The following ZFHX4 variants were observed in gnomAD, a reference collection of about 807,000 sequenced individuals.
ZFHX4 encodes the protein zinc finger homeobox 4.
In ZFHX4, 56 loss-of-function variants were observed where a neutral mutation model predicts 267.6. That is an observed-to-expected ratio of 0.21 (90% confidence interval 0.17 to 0.26). The LOEUF (loss-of-function observed/expected upper bound fraction) is 0.26. Ranked by LOEUF, ZFHX4 falls within the 10% of genes least tolerant of loss-of-function variation. The pLI is 1.00. For synonymous variants in ZFHX4, 1,778 were observed against 1,665.6 expected (o/e 1.07, Z -1.64); for missense variants, 4,332 against 4,420.0 (o/e 0.98, Z 0.56).
At position 76,850,298 on chromosome 8, in the gene ZFHX4, C is replaced by T; in HGVS notation, c.3900C>T (p.Ala1300=). ...ACAGTATGCTACTGCCAGCAGCTGC[C>T]TCTGAGAAATCAGAGCGGGACACAC... ...MPNSMLLPAA[A]SEKSERDTPA... is the part of the protein sequence containing the mutation. Residue 1300 remains alanine, a synonymous_variant, in exon 9 of 11, where the codon GCC becomes GCT. Transcript: ENST00000651372. 1 of 1,613,362 alleles carries T rather than the reference C, an allele frequency of 6.2e-7. No homozygotes were observed. Among genetic ancestry groups the T allele is most frequent in the African/African-American group, 1.3e-5 (1 of 75,012 alleles).
chr8:76,855,078 T>G lies in ZFHX4; in HGVS notation c.8157T>G (p.Asp2719Glu), dbSNP rs753405306. The G allele has an allele frequency of 1.2e-6, 2 of 1,613,706 alleles. No homozygotes were observed. Among genetic ancestry groups the G allele is most frequent in the South Asian group, 2.2e-5 (2 of 91,030 alleles). Residue 2719 changes from aspartate (D) to glutamate (E), a missense_variant, in exon 10 of 11, where the codon GAT becomes GAG. Around this residue, in one of 7 missense-constraint regions of ZFHX4, gnomAD observed 1,648 missense variants for 1,625.0 expected, o/e 1.01. Transcript: ENST00000651372. The part of the protein sequence containing the change: ...LPPSPLISTE[D>E]GGESPQKYIY... ...CAAGCCCTTTAATATCCACCGAAGA[T>G]GGGGGAGAAAGCCCACAGAAATACA...
chr8:76,705,393 G>T lies in ZFHX4; in HGVS notation c.1305G>T (p.Met435Ile), dbSNP rs529333807. The T allele has an allele frequency of 6.2e-7, 1 of 1,613,860 alleles. No individual in the cohort carries two copies. Among genetic ancestry groups the T allele is most frequent in the Non-Finnish European group, 8.5e-7 (1 of 1,179,880 alleles). The change falls in exon 2 of 11, where the codon ATG becomes ATT. Residue 435 changes from methionine (M) to isoleucine (I), a missense_variant. Physicochemically the swap from Met to Ile is conservative, Grantham distance 10. Transcript: ENST00000651372. ...ACTCATCGTCTGAGTCTAGCAAGAT[G>T]TCAGAGAGCAAAGACCAAGAGAACA... ...LSHSSSESSK[M>I]SESKDQENNC...
At chr8:76,827,184 T>C (rs1167252853) in intron 4 of ZFHX4, among the ~76,000 whole-genome samples, 2 of 152,206 alleles carry the variant, frequency 1.3e-5, no homozygotes, top group Non-Finnish European at 2.9e-5. Flanking sequence ...GGGATGAAAC[T>C]GTTCCACCTC....
At chr8:76,686,170 A>T (rs948231278) in intron 1 of ZFHX4, among the ~76,000 whole-genome samples, 4 of 152,172 alleles carry the variant, frequency 2.6e-5, no homozygotes, top group Non-Finnish European at 1.5e-5. Context: ...CATTTTTTCC[A>T]TTCAGTGTGA....
chr8:76,840,035 T>C (rs1027544341), intron 5 of ZFHX4, among the ~76,000 whole-genome samples: 3 of 152,190 alleles, frequency 2.0e-5, no homozygotes, highest in Non-Finnish European at 4.4e-5. Context: ...AAGTTACCTT[T>C]TGATTATTTT....
At chr8:76,858,263 A>G (rs574363680) in intron 10 of ZFHX4, among the ~76,000 whole-genome samples, 5 of 152,358 alleles carry the variant, frequency 3.3e-5, no homozygotes, top group African/African-American at 1.2e-4. Flanking sequence ...TCCTCATTCT[A>G]TTCACCATAA....
At chr8:76,714,188 G>A (rs1477791666) in intron 3 of ZFHX4, among the ~76,000 whole-genome samples, 2 of 152,166 alleles carry the variant, frequency 1.3e-5, no homozygotes, top group Non-Finnish European at 2.9e-5. Flanking sequence ...GTGTGTTTCT[G>A]TGGCTTAAAT....
At chr8:76,690,726 G>C (rs1209487397) in intron 1 of ZFHX4, among the ~76,000 whole-genome samples, 3 of 150,666 alleles carry the variant, frequency 2.0e-5, no homozygotes, top group Non-Finnish European at 4.5e-5. Context: ...TATACAGACA[G>C]ACACACACAC....
chr8:76,728,603 A>G (rs1808917468), intron 3 of ZFHX4, among the ~76,000 whole-genome samples: 2 of 152,198 alleles, frequency 1.3e-5, no homozygotes, highest in Non-Finnish European at 2.9e-5. Context: ...CACCCTTTCA[A>G]TGCAAGTGGA....
chr8:76,720,959 A>ACGTTG (rs1238639259), intron 3 of ZFHX4, among the ~76,000 whole-genome samples: 1 of 152,146 alleles, frequency 6.6e-6, no homozygotes, highest in African/African-American at 2.4e-5. Context: ...TTCAGCACCC[A>ACGTTG]CGTTGTTAAA....
chr8:76,707,485 T>G (rs1389980433), intron 2 of ZFHX4, 61 bp from the exon 3 acceptor site: 2 of 1,381,850 alleles, frequency 1.4e-6, no homozygotes, highest in Non-Finnish European at 1.9e-6. Context: ...TTTTACAGAT[T>G]CCTTTGTGTG....
intron 3 of ZFHX4, among the ~76,000 whole-genome samples, chr8:76,764,728 C>T (rs1023821239): frequency 2.6e-5 from 4 of 152,214 alleles, no homozygotes; most frequent in South Asian, 2.1e-4. Context: ...AAATTTGCTC[C>T]GACCTCTGAC....
intron 1 of ZFHX4, among the ~76,000 whole-genome samples, chr8:76,699,340 C>T (rs1422124399): frequency 1.3e-5 from 2 of 152,048 alleles, no homozygotes; most frequent in Non-Finnish European, 2.9e-5. Context: ...TATCCCTTTA[C>T]ATCCTTGCAT....
chr8:76,706,983 A>G (rs747661807), intron 2 of ZFHX4, among the ~76,000 whole-genome samples: 5 of 152,250 alleles, frequency 3.3e-5, no homozygotes, highest in Non-Finnish European at 7.3e-5. Context: ...GCCATACCTT[A>G]CAAGGTTTAT....
At chr8:76,782,391 G>A (rs1585939416) in intron 4 of ZFHX4, among the ~76,000 whole-genome samples, 1 of 151,898 alleles carries the variant, frequency 6.6e-6, no homozygotes, top group African/African-American at 2.4e-5. Flanking sequence ...AAGAACAAAA[G>A]TTGTTTTCTG....
chr8:76,840,419 C>T (rs558359385), intron 5 of ZFHX4, among the ~76,000 whole-genome samples: 182 of 152,282 alleles, frequency 1.2e-3, no homozygotes, highest in Non-Finnish European at 2.0e-3. Context: ...TGAGGTCAGA[C>T]ACCACAGTGA....
chr8:76,842,335 AC>A (rs1382355162), intron 5 of ZFHX4, among the ~76,000 whole-genome samples: 14 of 152,192 alleles, frequency 9.2e-5, no homozygotes, highest in Admixed American at 5.2e-4. Context: ...ACAAGGTTCT[AC>A]TATTCGAATC....
chr8:76,750,622 A>G (rs2131705339), intron 3 of ZFHX4, among the ~76,000 whole-genome samples: 1 of 152,152 alleles, frequency 6.6e-6, no homozygotes, highest in Non-Finnish European at 1.5e-5. Flanking sequence ...GATATTTTCC[A>G]CTTTGCTATT....
intron 4 of ZFHX4, among the ~76,000 whole-genome samples, chr8:76,779,471 T>C (rs1000076388): frequency 6.6e-6 from 1 of 152,126 alleles, no homozygotes; most frequent in Non-Finnish European, 1.5e-5. Flanking sequence ...TGTAGGCCAG[T>C]TGGAAAATCA....
Sources: gnomAD v4.1 joint callset for allele counts (sites outside exome capture counted in the v4.1 genomes callset) on GRCh38, gnomAD v4.1.1 for gene constraint, gnomAD v4.1.1 regional missense constraint, MANE v1.5 for transcripts, NCBI Gene and HGNC (gene_info 2026-07-23, HGNC 2026-07-21) for gene names.